Variants in PCDH15 observed in about 807,000 individuals in gnomAD.
PCDH15 encodes protocadherin related 15, also known as protocadherin-15.
In PCDH15, 129 loss-of-function variants were observed where a neutral mutation model predicts 178.5. The ratio of observed to expected loss-of-function variants is 0.72; its 90% CI spans 0.63 to 0.84. The LOEUF (loss-of-function observed/expected upper bound fraction) is 0.84, where lower values mean the gene tolerates loss of function less well. PCDH15 is among the 40% of genes least tolerant of loss of function. The pLI, the probability that PCDH15 is intolerant of heterozygous loss-of-function variation, is 0.00. For synonymous variants in PCDH15, 800 were observed against 732.0 expected (o/e 1.09, Z -1.50); for missense variants, 2,230 against 2,099.9 (o/e 1.06, Z -1.21).
intron 2 of PCDH15, among the ~76,000 whole-genome samples, chr10:54,563,610 G>C (rs2088555716): frequency 1.3e-5 from 2 of 152,116 alleles, no homozygotes; most frequent in African/African-American, 4.8e-5. Context: ...ATAAATAATT[G>C]TGTCAAGATG....
At chr10:54,295,832 G>A (rs1182562687) in intron 8 of PCDH15, among the ~76,000 whole-genome samples, 1 of 152,002 alleles carries the variant, frequency 6.6e-6, no homozygotes, top group Non-Finnish European at 1.5e-5. Context: ...CTAATTATCG[G>A]GCACCTGTCG....
intron 2 of PCDH15, among the ~76,000 whole-genome samples, chr10:55,111,544 A>AATT (rs1351805853): frequency 6.6e-6 from 1 of 151,546 alleles, no homozygotes; most frequent in African/African-American, 2.4e-5. Context: ...AAAAAAAAAA[A>AATT]TTTAAAAAAG....
chr10:54,545,502 T>G (rs1203918378), intron 2 of PCDH15, among the ~76,000 whole-genome samples: 1 of 152,026 alleles, frequency 6.6e-6, no homozygotes, highest in Non-Finnish European at 1.5e-5. Context: ...TAAAATTATT[T>G]TATAATTTTG....
At chr10:54,495,943 G>C (rs1019871248) in intron 3 of PCDH15, among the ~76,000 whole-genome samples, 2 of 152,034 alleles carry the variant, frequency 1.3e-5, no homozygotes, top group Non-Finnish European at 2.9e-5. Flanking sequence ...AATCATTTCA[G>C]AAATCTTAAG....
At chr10:55,470,026 T>C (rs1231850225) in intron 2 of PCDH15, among the ~76,000 whole-genome samples, 4 of 152,126 alleles carry the variant, frequency 2.6e-5, no homozygotes, top group Admixed American at 1.3e-4. Context: ...AAACATCAGA[T>C]ATGAATCTAA....
chr10:55,051,224 C>A (rs1485026862), intron 2 of PCDH15, among the ~76,000 whole-genome samples: 2 of 151,896 alleles, frequency 1.3e-5, no homozygotes, highest in Non-Finnish European at 2.9e-5. Flanking sequence ...TAAGAAATAA[C>A]CAACTTCCTT....
At position 54,270,350 on chromosome 10, in the gene PCDH15, A is replaced by T. The variant is rs563441742; in HGVS notation, c.877-33419T>A. Among the ~76,000 whole-genome samples, 8 of 152,316 alleles carry T rather than the reference A, an allele frequency of 5.3e-5. No individual in the cohort carries two copies. The South Asian group carries it at 1.7e-3, about 32-fold the overall frequency. ...ACTAGCACATTTTTCAGAACCTAGT[A>T]GATATTCAGTCATTGTCTATGGAAT... On this transcript the variant is annotated intron_variant, in intron 8 of 37. Coordinates refer to ENST00000644397, the MANE Select transcript of PCDH15 (RefSeq NM_001384140.1).
chr10:53,878,320 T>TACAGTCTATA (rs1554841077), intron 26 of PCDH15, among the ~76,000 whole-genome samples: 1 of 141,052 alleles, frequency 7.1e-6, no homozygotes, highest in Non-Finnish European at 1.5e-5. Context: ...ATATTCTATA[T>TACAGTCTATA]ATATAGTCTA....
intron 2 of PCDH15, among the ~76,000 whole-genome samples, chr10:55,548,553 T>A (rs1841939733): frequency 6.6e-6 from 1 of 152,116 alleles, no homozygotes; most frequent in Admixed American, 6.6e-5. Flanking sequence ...GAAAGGGAGA[T>A]TACTCAGGAG....
At chr10:53,959,091 C>T (rs2134266560) in intron 23 of PCDH15, among the ~76,000 whole-genome samples, 1 of 147,374 alleles carries the variant, frequency 6.8e-6, no homozygotes, top group South Asian at 2.1e-4. Flanking sequence ...TATATACTAA[C>T]CATAAACTAT....
At chr10:55,572,787 G>C (rs1842431446) in intron 2 of PCDH15, among the ~76,000 whole-genome samples, 1 of 152,014 alleles carries the variant, frequency 6.6e-6, no homozygotes, top group Non-Finnish European at 1.5e-5. Context: ...AAGGCATGCT[G>C]ATCATTAGGG....
chr10:54,643,152 T>A (rs2094032640), intron 2 of PCDH15, among the ~76,000 whole-genome samples: 1 of 152,298 alleles, frequency 6.6e-6, no homozygotes. Context: ...CTCAAACTCC[T>A]GACCTCAGGT....
chr10:54,589,175 C>T (rs1436351671), intron 2 of PCDH15, among the ~76,000 whole-genome samples: 2 of 151,814 alleles, frequency 1.3e-5, no homozygotes, highest in Non-Finnish European at 2.9e-5. Context: ...TCAAAAGATC[C>T]CACCTTCCAT....
At chr10:54,594,285 C>G (rs2092071843) in intron 2 of PCDH15, among the ~76,000 whole-genome samples, 1 of 152,116 alleles carries the variant, frequency 6.6e-6, no homozygotes, top group South Asian at 2.1e-4. Context: ...TAGTGGAGAA[C>G]AGCCAGGGAT....
At chr10:53,888,299 T>TATATATATAC (rs1564690527) in intron 26 of PCDH15, among the ~76,000 whole-genome samples, 7 of 75,560 alleles carry the variant, frequency 9.3e-5, no homozygotes, top group African/African-American at 3.6e-4. Context: ...TACATATATA[T>TATATATATAC]ATATATATAT....
At chr10:55,038,667 C>T (rs545800138) in intron 2 of PCDH15, among the ~76,000 whole-genome samples, 4 of 152,248 alleles carry the variant, frequency 2.6e-5, no homozygotes, top group South Asian at 2.1e-4. Context: ...AGTTGTGGGA[C>T]GGGGACTCTA....
At chr10:54,295,830 C>T (rs1029355299) in intron 8 of PCDH15, among the ~76,000 whole-genome samples, 2 of 152,052 alleles carry the variant, frequency 1.3e-5, no homozygotes, top group East Asian at 1.9e-4. Flanking sequence ...ATCTAATTAT[C>T]GGGCACCTGT....
chr10:54,185,139 A>G lies in PCDH15; in HGVS notation c.1435T>C (p.Phe479Leu). ...VDREEQQTYT[F>L]SITAFDGVQE... Reference sequence around the variant, plus strand: ...TTTACACAAAAGCTCTTTACCGAAAAGGTGTAAGTTTGCTGTTCTTCCCTG... The same window carrying G: ...TTTACACAAAAGCTCTTTACCGAAAGGGTGTAAGTTTGCTGTTCTTCCCTG... The change falls in exon 12 of 38, where the codon TTT (phenylalanine) becomes CTT (leucine). Residue 479 changes from phenylalanine (F) to leucine (L), a missense_variant. By Grantham distance (22) the Phe-to-Leu change is conservative. Transcript: ENST00000644397. 2 of 1,613,456 alleles carry G rather than the reference A, an allele frequency of 1.2e-6. No homozygotes were observed. Among genetic ancestry groups the G allele is most frequent in the Middle Eastern group, 3.3e-4 (2 of 6,056 alleles).
chr10:54,311,095 T>C (rs561973188), intron 8 of PCDH15, among the ~76,000 whole-genome samples: 50 of 152,198 alleles, frequency 3.3e-4, no homozygotes, highest in African/African-American at 7.2e-4. Flanking sequence ...GCTAGATTTT[T>C]TAAGACAAAG....
Sources: gnomAD v4.1 joint callset for allele counts (sites outside exome capture counted in the v4.1 genomes callset) on GRCh38, gnomAD v4.1.1 for gene constraint, MANE v1.5 for transcripts, NCBI Gene and HGNC (gene_info 2026-07-23, HGNC 2026-07-21) for gene names.